Variants in CERT1 observed in about 807,000 individuals in gnomAD.
CERT1 encodes the protein ceramide transfer protein.
In CERT1, 31 loss-of-function variants were observed where a neutral mutation model predicts 87.9. The observed-to-expected ratio is 0.35, with a 90% confidence interval of 0.27 to 0.48. CERT1 has a LOEUF of 0.48. CERT1 is among the 20% of genes least tolerant of loss of function. CERT1 has a pLI of 0.99. For missense variants in CERT1, 487 were observed against 758.0 expected (o/e 0.64, Z 4.20); for synonymous variants, 289 against 250.9 (o/e 1.15, Z -1.44).
Position 75,495,953 on chromosome 5 carries a change from A to T in CERT1, c.231+10029T>A, listed in dbSNP as rs140953918. On this transcript the variant is annotated intron_variant, in intron 2 of 16. Transcript: ENST00000643780. ...TTAGCTGAAAAAAAAATAAATAAAT[A>T]AAAAAAAGAACTTAGAGCAAAGTCA... Among the ~76,000 whole-genome samples, 568 of 151,950 alleles carry T rather than the reference A, an allele frequency of 3.7e-3. 5 individuals are homozygous for T. Among genetic ancestry groups the T allele is most frequent in the African/African-American group, 0.013 (550 of 41,488 alleles).
chr5:75,436,092 G>T (rs1467180783), intron 3 of CERT1, among the ~76,000 whole-genome samples: 1 of 152,202 alleles, frequency 6.6e-6, no homozygotes, highest in East Asian at 1.9e-4. Context: ...GAGTGCAGCG[G>T]TGCGATCTTG....
At chr5:75,409,830 CG>C (rs1301288223) in intron 8 of CERT1, among the ~76,000 whole-genome samples, 26 of 143,204 alleles carry the variant, frequency 1.8e-4, no homozygotes, top group African/African-American at 6.6e-4. Context: ...CTGGCCAACA[CG>C]TTTTTTTTTT....
intron 1 of CERT1, 35 bp downstream of exon 1, chr5:75,511,077 T>C: frequency 2.0e-6 from 3 of 1,504,654 alleles, no homozygotes; most frequent in Admixed American, 2.3e-5. Flanking sequence ...CAGGTGAGTC[T>C]GGCCAGGGGT....
Position 75,417,655 on chromosome 5 carries a change from C to G in CERT1, c.680-622G>C, listed in dbSNP as rs536015415. On this transcript the variant is annotated intron_variant, in intron 6 of 16. Coordinates refer to ENST00000643780, the MANE Select transcript of CERT1 (RefSeq NM_001379029.1). Reference sequence around the variant, plus strand: ...ATAAATGAAATAATGTCAATTTTGACTTTAAAAACGATTAGAGATATGACA... The same window carrying G: ...ATAAATGAAATAATGTCAATTTTGAGTTTAAAAACGATTAGAGATATGACA... 2.0e-5 allele frequency among the ~76,000 whole-genome samples: 3 copies of G among 152,238 alleles called. No homozygotes were observed. The East Asian group carries it at 5.8e-4, about 29-fold the overall frequency.
Position 75,404,685 on chromosome 5 carries a change from G to A in CERT1, c.931-1627C>T, listed in dbSNP as rs151242905. On this transcript the variant is annotated intron_variant, in intron 8 of 16. Coordinates refer to ENST00000643780, the MANE Select transcript of CERT1 (RefSeq NM_001379029.1). ...CTAGTCCTTAAGCAATCATGTCAGA[G>A]CCTCAGGAGTCTAATTGAAAACTAC... Among the ~76,000 whole-genome samples, 3 of 152,244 alleles carry A rather than the reference G, an allele frequency of 2.0e-5. No individual in the cohort carries two copies. In the East Asian group the frequency reaches 5.8e-4, roughly 29 times the overall value.
intron 3 of CERT1, among the ~76,000 whole-genome samples, chr5:75,456,663 C>CAA (rs34320476): frequency 1.1e-3 from 77 of 69,222 alleles, no homozygotes; most frequent in Admixed American, 1.4e-3. Context: ...GACCTCATCT[C>CAA]AAAAAAAAAA....
At chr5:75,493,486 T>C (rs1438825573) in intron 2 of CERT1, among the ~76,000 whole-genome samples, 1 of 152,240 alleles carries the variant, frequency 6.6e-6, no homozygotes, top group African/African-American at 2.4e-5. Flanking sequence ...CAGAAGAATG[T>C]AGGCATCAGC....
intron 7 of CERT1, among the ~76,000 whole-genome samples, chr5:75,415,766 G>GT (rs1235931030): frequency 2.0e-3 from 293 of 147,344 alleles, no homozygotes; most frequent in African/African-American, 4.9e-3. Context: ...TCAATACATT[G>GT]TTTTTTTTTT....
chr5:75,448,118 C>A (rs1369425015), intron 3 of CERT1, among the ~76,000 whole-genome samples: 1 of 152,128 alleles, frequency 6.6e-6, no homozygotes, highest in Non-Finnish European at 1.5e-5. Context: ...TTACTACTTA[C>A]CAATCAATAA....
At chr5:75,458,383 C>A (rs1454193337) in intron 3 of CERT1, among the ~76,000 whole-genome samples, 1 of 151,974 alleles carries the variant, frequency 6.6e-6, no homozygotes, top group Non-Finnish European at 1.5e-5. Flanking sequence ...TAACAAAAAT[C>A]AACATTGAAA....
At chr5:75,423,829 AC>A (rs1165631809) in intron 5 of CERT1, among the ~76,000 whole-genome samples, 1 of 152,242 alleles carries the variant, frequency 6.6e-6, no homozygotes, top group Non-Finnish European at 1.5e-5. Context: ...CACGAGTTAT[AC>A]CTAAGAAGCT....
chr5:75,488,769 T>G (rs575076501), intron 2 of CERT1, among the ~76,000 whole-genome samples: 9 of 152,334 alleles, frequency 5.9e-5, no homozygotes, highest in African/African-American at 2.2e-4. Flanking sequence ...ATATTTGATC[T>G]AACAGTTTTA....
At chr5:75,386,094 G>T in intron 12 of CERT1, 60 bp from the exon 13 acceptor site, 1 of 1,330,672 alleles carries the variant, frequency 7.5e-7, no homozygotes, top group Non-Finnish European at 9.9e-7. Context: ...ATAAAAGCAG[G>T]AAAGCATGCT....
At chr5:75,466,970 T>C (rs181180620) in intron 2 of CERT1, among the ~76,000 whole-genome samples, 581 of 152,356 alleles carry the variant, frequency 3.8e-3, no homozygotes, top group Non-Finnish European at 7.0e-3. Flanking sequence ...TATTGAATGC[T>C]GAACATAAAA....
intron 3 of CERT1, among the ~76,000 whole-genome samples, chr5:75,448,352 ATGATAGAACTGT>A (rs1457861772): frequency 6.6e-6 from 1 of 152,188 alleles, no homozygotes; most frequent in East Asian, 1.9e-4. Context: ...TGACTGAAAA[ATGATAGAACTGT>A]TTTCAGTTAC....
rs1208357759 is a variant in CERT1, at chr5:75,484,670, A to G, written c.231+21312T>C. Among the ~76,000 whole-genome samples the G allele has an allele frequency of 2.0e-5, 3 of 152,248 alleles. No homozygotes were observed. In the East Asian group the frequency reaches 5.8e-4, roughly 29 times the overall value. On this transcript the variant is annotated intron_variant, in intron 2 of 16. Coordinates refer to ENST00000643780, the MANE Select transcript of CERT1 (RefSeq NM_001379029.1). Reference sequence around the variant, plus strand: ...TCGTTACATAATGACAAAGGGGTTAATTCAGAAGGATATAATAATAGTAAA... The same window carrying G: ...TCGTTACATAATGACAAAGGGGTTAGTTCAGAAGGATATAATAATAGTAAA...
chr5:75,504,602 T>C (rs939890546), intron 2 of CERT1, among the ~76,000 whole-genome samples: 8 of 152,244 alleles, frequency 5.3e-5, no homozygotes, highest in Non-Finnish European at 1.2e-4. Flanking sequence ...TTCACTTTTA[T>C]AAGCCAAATA....
chr5:75,428,811 C>T (rs911239466), intron 3 of CERT1, among the ~76,000 whole-genome samples: 9 of 152,024 alleles, frequency 5.9e-5, no homozygotes, highest in Admixed American at 2.6e-4. Context: ...TTTAAAGTTG[C>T]AAAAGAACTG....
chr5:75,442,747 T>C (rs1764377061), intron 3 of CERT1, among the ~76,000 whole-genome samples: 1 of 151,912 alleles, frequency 6.6e-6, no homozygotes, highest in South Asian at 2.1e-4. Flanking sequence ...GTAACACATT[T>C]TGAAAGGAGA....
Sources: gnomAD v4.1 joint callset for allele counts (sites outside exome capture counted in the v4.1 genomes callset) on GRCh38, gnomAD v4.1.1 for gene constraint, MANE v1.5 for transcripts, NCBI Gene and HGNC (gene_info 2026-07-23, HGNC 2026-07-21) for gene names.